MGAT5: variants seen among roughly 807,000 people sequenced by gnomAD.
MGAT5 encodes alpha-1,6-mannosylglycoprotein 6-beta-N-acetylglucosaminyltransferase, also known as alpha-1,6-mannosylglycoprotein 6-beta-N-acetylglucosaminyltransferase A.
In MGAT5, 30 loss-of-function variants were observed where a neutral mutation model predicts 94.3. The ratio of observed to expected loss-of-function variants is 0.32; its 90% CI spans 0.24 to 0.43. The LOEUF is 0.43. Among genes scored for constraint, MGAT5 ranks in the 20% least tolerant of loss-of-function variants. The pLI, the probability that MGAT5 is intolerant of heterozygous loss-of-function variation, is 1.00. For missense variants in MGAT5, 691 were observed against 905.5 expected (o/e 0.76, Z 3.04); for synonymous variants, 310 against 322.9 (o/e 0.96, Z 0.43).
Position 134,254,219 on chromosome 2 carries a change from A to G in MGAT5, c.-185A>G. 1.5e-6 allele frequency: 1 copy of G among 648,118 alleles called. No individual in the cohort carries two copies. The highest frequency in any genetic ancestry group is 2.6e-6 in the Non-Finnish European group (1 of 377,908). The allele number at this position is 648,118 out of a possible 1,614,324, so 40.1% of individuals were successfully genotyped here. On this transcript the variant is annotated 5_prime_UTR_variant, in exon 1 of 16. Coordinates refer to ENST00000281923, the MANE Select transcript of MGAT5 (RefSeq NM_002410.5). ...CATGGCTTCTGGTTTATTTTGCTGT[A>G]TTGTGCCATGACCACTTGGCTAATT...
At chr2:134,349,145 C>T (rs562159401) in intron 8 of MGAT5, among the ~76,000 whole-genome samples, 12 of 152,058 alleles carry the variant, frequency 7.9e-5, no homozygotes, top group Admixed American at 3.9e-4. Context: ...GCTCACAGAC[C>T]GTACAAAAAT....
intron 1 of MGAT5, among the ~76,000 whole-genome samples, chr2:134,120,638 G>A (rs575883091): frequency 2.0e-5 from 3 of 152,052 alleles, no homozygotes; most frequent in South Asian, 2.1e-4. Flanking sequence ...CTCTGGTTGC[G>A]CGGGCTGGAG....
At chr2:134,404,566 T>C (rs1683231966) in intron 11 of MGAT5, among the ~76,000 whole-genome samples, 1 of 152,172 alleles carries the variant, frequency 6.6e-6, no homozygotes, top group South Asian at 2.1e-4. Flanking sequence ...TGATGTACTA[T>C]CGTCATAAAC....
At chr2:134,174,688 C>G (rs2105135078) in intron 1 of MGAT5, among the ~76,000 whole-genome samples, 1 of 152,328 alleles carries the variant, frequency 6.6e-6, no homozygotes, top group East Asian at 1.9e-4. Context: ...AAATAAAGCA[C>G]CTTCATTGTC....
chr2:134,354,759 G>A (rs912712610), intron 9 of MGAT5, among the ~76,000 whole-genome samples: 10 of 152,148 alleles, frequency 6.6e-5, no homozygotes, highest in Non-Finnish European at 2.9e-5. Flanking sequence ...ACAATACTAA[G>A]GCCATTTGAT....
chr2:134,146,285 C>T (rs886291138), intron 1 of MGAT5, among the ~76,000 whole-genome samples: 7 of 152,188 alleles, frequency 4.6e-5, no homozygotes, highest in African/African-American at 2.4e-5. Flanking sequence ...AGGCCAGGTG[C>T]GGTGGCTCAT....
intron 7 of MGAT5, 124 bp downstream of exon 7, chr2:134,341,883 C>A: frequency 2.7e-6 from 2 of 740,634 alleles, no homozygotes; most frequent in Non-Finnish European, 4.2e-6. Context: ...ATTCACTAAA[C>A]AGGAGATAAG....
intron 2 of MGAT5, among the ~76,000 whole-genome samples, chr2:134,303,048 G>A (rs72978140): frequency 0.017 from 2,646 of 152,034 alleles, 88 homozygotes; most frequent in African/African-American, 0.06. Flanking sequence ...CTGGGCATCC[G>A]TTTACACAAA....
intron 14 of MGAT5, among the ~76,000 whole-genome samples, chr2:134,439,709 A>G (rs151215195): frequency 3.3e-5 from 5 of 152,126 alleles, no homozygotes; most frequent in East Asian, 3.9e-4. Context: ...AAATATATCT[A>G]TACAAGCACA....
chr2:134,396,749 C>T (rs1188482888), intron 10 of MGAT5, among the ~76,000 whole-genome samples: 3 of 152,290 alleles, frequency 2.0e-5, no homozygotes, highest in South Asian at 2.1e-4. Flanking sequence ...AGCGCTCGCT[C>T]GCCCTGTGCC....
chr2:134,141,563 T>C (rs531532637), intron 1 of MGAT5, among the ~76,000 whole-genome samples: 2 of 152,072 alleles, frequency 1.3e-5, no homozygotes, highest in East Asian at 3.9e-4. Context: ...ATAAACAAGG[T>C]CTTCGGGGAG....
intron 10 of MGAT5, among the ~76,000 whole-genome samples, chr2:134,381,259 A>G (rs1681524897): frequency 6.6e-6 from 1 of 151,958 alleles, no homozygotes; most frequent in South Asian, 2.1e-4. Flanking sequence ...CTTGTATTGT[A>G]GTTAGCCATC....
rs370140320 is a variant in MGAT5 at position 134,189,545 on chromosome 2, T to G, written c.-142-64717T>G. On this transcript the variant is annotated intron_variant, in intron 1 of 16. Transcript: ENST00000409645. ...GCTGCTGCTCTAATCCAATGTCAGGTTGGGTTTCTGGTTATGCAATAACAT... is the reference window on the plus strand; with the variant it reads ...GCTGCTGCTCTAATCCAATGTCAGGGTGGGTTTCTGGTTATGCAATAACAT... Among the ~76,000 whole-genome samples, 3 of 150,596 alleles carry G rather than the reference T, an allele frequency of 2.0e-5. No individual in the cohort carries two copies. In the East Asian group the frequency reaches 5.9e-4, roughly 29 times the overall value.
chr2:134,327,239 A>G (rs1470971279), intron 4 of MGAT5, among the ~76,000 whole-genome samples: 1 of 152,130 alleles, frequency 6.6e-6, no homozygotes, highest in Non-Finnish European at 1.5e-5. Flanking sequence ...CACATTTAAT[A>G]TACAGTAGTC....
intron 1 of MGAT5, among the ~76,000 whole-genome samples, chr2:134,188,341 G>A (rs1689148859): frequency 1.3e-5 from 2 of 152,224 alleles, no homozygotes; most frequent in South Asian, 4.1e-4. Flanking sequence ...TCTAGGGATG[G>A]AGGAGCTTTT....
At chr2:134,129,992 G>A (rs1211321949) in intron 1 of MGAT5, among the ~76,000 whole-genome samples, 2 of 152,200 alleles carry the variant, frequency 1.3e-5, no homozygotes, top group Non-Finnish European at 2.9e-5. Flanking sequence ...GCCAGCGCAA[G>A]TTCCAGGTGG....
rs374868384 is a variant in MGAT5 at position 134,412,898 on chromosome 2, G to A, written c.1560G>A (p.Glu520=). 3.1e-6 allele frequency: 5 copies of A among 1,613,968 alleles called. No homozygotes were observed. In the African/African-American group the frequency reaches 6.7e-5, roughly 22 times the overall value. Residue 520 remains glutamate (E), a synonymous_variant, in exon 12 of 16, where the codon GAG becomes GAA. Coordinates refer to ENST00000281923, the MANE Select transcript of MGAT5 (RefSeq NM_002410.5). ...KLFVGLGFPY[E]GPAPLEAIAN... ...TTGTTGGACTTGGGTTCCCTTACGA[G>A]GGCCCAGCTCCCCTGGAAGCTATCG...
At chr2:134,358,825 G>A (rs527534823) in intron 9 of MGAT5, among the ~76,000 whole-genome samples, 34 of 152,270 alleles carry the variant, frequency 2.2e-4, no homozygotes, top group African/African-American at 7.7e-4. Flanking sequence ...CTCCTTGAGG[G>A]CAGAAACTCA....
chr2:134,400,978 G>A (rs2106288733), intron 10 of MGAT5, among the ~76,000 whole-genome samples: 1 of 152,228 alleles, frequency 6.6e-6, no homozygotes, highest in Admixed American at 6.5e-5. Flanking sequence ...ACCACTGTGG[G>A]TGGGATAAGA....
Sources: allele counts gnomAD v4.1 joint callset (sites outside exome capture counted in the v4.1 genomes callset), GRCh38; gene constraint gnomAD v4.1.1; transcripts MANE v1.5; gene names NCBI Gene and HGNC (gene_info 2026-07-23, HGNC 2026-07-21).